Variants in SNX13 observed in about 807,000 individuals in gnomAD.
The protein encoded by SNX13 is sorting nexin 13.
In SNX13, 45 loss-of-function variants were observed where a neutral mutation model predicts 133.6. The ratio of observed to expected loss-of-function variants is 0.34; its 90% CI spans 0.27 to 0.43. SNX13 has a LOEUF of 0.43. SNX13 is among the 20% of genes least tolerant of loss of function. The probability of loss-of-function intolerance (pLI) is 1.00; values close to 1 mark genes in which losing one functional copy is unlikely to be tolerated. For synonymous variants in SNX13, 414 were observed against 373.9 expected (o/e 1.11, Z -1.24); for missense variants, 1,032 against 1,145.1 (o/e 0.90, Z 1.43).
intron 5 of SNX13, among the ~76,000 whole-genome samples, chr7:17,884,401 T>A (rs1489535155): frequency 6.6e-6 from 1 of 152,214 alleles, no homozygotes; most frequent in Non-Finnish European, 1.5e-5. Context: ...GATGACTTTT[T>A]AAAAAGTTAA....
intron 18 of SNX13, 136 bp downstream of exon 18, chr7:17,821,372 TA>T: frequency 1.3e-6 from 1 of 764,300 alleles, no homozygotes; most frequent in Non-Finnish European, 2.1e-6. Flanking sequence ...AGATTAATTC[TA>T]AGATTTATGG....
intron 2 of SNX13, among the ~76,000 whole-genome samples, chr7:17,896,323 G>C (rs1388646735): frequency 2.0e-5 from 3 of 152,104 alleles, no homozygotes; most frequent in African/African-American, 7.2e-5. Flanking sequence ...TTTATGGAGA[G>C]TCCTTGACAT....
intron 1 of SNX13, among the ~76,000 whole-genome samples, chr7:17,938,916 A>T (rs537932112): frequency 6.6e-6 from 1 of 152,338 alleles, no homozygotes; most frequent in East Asian, 1.9e-4. Context: ...CTAATCTATT[A>T]CTGCTAATCA....
intron 5 of SNX13, among the ~76,000 whole-genome samples, chr7:17,885,499 T>C (rs1345282417): frequency 2.6e-5 from 4 of 152,220 alleles, no homozygotes; most frequent in Non-Finnish European, 4.4e-5. Flanking sequence ...TATCAGTTAA[T>C]AATGAACTAT....
chr7:17,843,999 A>T (rs1223710579), intron 12 of SNX13, among the ~76,000 whole-genome samples: 2 of 151,986 alleles, frequency 1.3e-5, no homozygotes, highest in Non-Finnish European at 2.9e-5. Context: ...AAGCTTTTTA[A>T]CTTTACAACA....
At chr7:17,800,405 A>G (rs541316896) in intron 22 of SNX13, among the ~76,000 whole-genome samples, 1 of 151,914 alleles carries the variant, frequency 6.6e-6, no homozygotes, top group East Asian at 1.9e-4. Context: ...ATTTGTGATA[A>G]GGGAGAAACA....
At chr7:17,817,129 T>C (rs191113203) in intron 18 of SNX13, among the ~76,000 whole-genome samples, 174 of 152,360 alleles carry the variant, frequency 1.1e-3, no homozygotes, top group African/African-American at 4.0e-3. Context: ...ATATACTTTA[T>C]CTTTGTAAAA....
intron 1 of SNX13, among the ~76,000 whole-genome samples, chr7:17,933,345 C>T (rs1033359383): frequency 6.6e-6 from 1 of 152,086 alleles, no homozygotes; most frequent in Non-Finnish European, 1.5e-5. Context: ...AGATGGAGAC[C>T]ATCGTGGCTA....
intron 1 of SNX13, among the ~76,000 whole-genome samples, chr7:17,914,485 C>A (rs936317723): frequency 2.0e-5 from 3 of 152,088 alleles, no homozygotes; most frequent in Admixed American, 6.5e-5. Flanking sequence ...GAGAAAAGAG[C>A]CATATTACCT....
intron 18 of SNX13, among the ~76,000 whole-genome samples, chr7:17,816,642 A>G (rs1304978306): frequency 1.3e-5 from 2 of 152,156 alleles, no homozygotes; most frequent in Non-Finnish European, 2.9e-5. Context: ...CAGCCTGGGC[A>G]ACAAGAGCAA....
Position 17,793,889 on chromosome 7 carries a change from A to T in SNX13, c.*156T>A, listed in dbSNP as rs1783779476. On this transcript the variant is annotated 3_prime_UTR_variant, in exon 26 of 26. Transcript: ENST00000428135. ...TTGGTAGTGGTGGATTATAGATGAG[A>T]ATGAGAAGAACCACAGACTTATGGA... 2 of 735,066 alleles carry T rather than the reference A, an allele frequency of 2.7e-6. No homozygotes were observed. Among genetic ancestry groups the T allele is most frequent in the African/African-American group, 3.6e-5 (2 of 55,834 alleles). 45.5% of individuals were successfully genotyped at this position (735,066 alleles called of 1,614,324 possible).
At chr7:17,919,001 A>G (rs1381641675) in intron 1 of SNX13, among the ~76,000 whole-genome samples, 1 of 152,200 alleles carries the variant, frequency 6.6e-6, no homozygotes, top group African/African-American at 2.4e-5. Flanking sequence ...ACAGAAAACT[A>G]ACTACCATGT....
intron 3 of SNX13, among the ~76,000 whole-genome samples, chr7:17,891,852 A>G (rs1055954887): frequency 6.6e-6 from 1 of 152,110 alleles, no homozygotes; most frequent in Non-Finnish European, 1.5e-5. Flanking sequence ...TTAATCAGCA[A>G]AAATTATTTA....
In SNX13 at chr7:17,850,448, A is replaced by G; in HGVS notation, c.977-13T>C. On this transcript the variant is annotated splice_polypyrimidine_tract_variant and intron_variant, in intron 10 of 25. Coordinates refer to ENST00000428135, the MANE Select transcript of SNX13 (RefSeq NM_015132.5). ...ATAGTGTTGATATCTAAAAGCAAAG[A>G]AATCATGAACTAGAAAGTGGTAGTG... 6.8e-7 allele frequency: 1 copy of G among 1,473,754 alleles called. No homozygotes were observed. 91.3% of individuals were successfully genotyped at this position (1,473,754 alleles called of 1,614,324 possible). A position where few individuals can be genotyped will look rare whatever the true frequency, so the allele number is the denominator to read the frequency against.
intron 12 of SNX13, among the ~76,000 whole-genome samples, chr7:17,842,513 G>A (rs930844080): frequency 1.3e-5 from 2 of 151,872 alleles, no homozygotes; most frequent in African/African-American, 4.8e-5. Flanking sequence ...GAAATCATAT[G>A]AAGAAATAAA....
intron 20 of SNX13, among the ~76,000 whole-genome samples, chr7:17,810,765 TG>T (rs1247917175): frequency 6.6e-6 from 1 of 152,118 alleles, no homozygotes; most frequent in Non-Finnish European, 1.5e-5. Context: ...TAAAATAATG[TG>T]AAACTGAATC....
At position 17,868,500 on chromosome 7, in the gene SNX13, A is replaced by G; in HGVS notation, c.754-10T>C. On this transcript the variant is annotated splice_polypyrimidine_tract_variant and intron_variant, in intron 8 of 25. Transcript: ENST00000428135. ...CTCGTGCAAGGATTTCCTGAAAAAAAAGTAAATAACAAAAACAAATTTAAT... is the reference window on the plus strand; with the variant it reads ...CTCGTGCAAGGATTTCCTGAAAAAAGAGTAAATAACAAAAACAAATTTAAT... 1.9e-6 allele frequency: 3 copies of G among 1,589,648 alleles called. No homozygotes were observed. Among genetic ancestry groups the G allele is most frequent in the Non-Finnish European group, 2.6e-6 (3 of 1,166,614 alleles).
chr7:17,928,388 A>G (rs142027833), intron 1 of SNX13, among the ~76,000 whole-genome samples: 27 of 152,296 alleles, frequency 1.8e-4, no homozygotes, highest in African/African-American at 6.3e-4. Context: ...CACTTTAACT[A>G]TATCTAGTTC....
intron 9 of SNX13, among the ~76,000 whole-genome samples, chr7:17,860,744 C>G (rs1410189789): frequency 1.3e-5 from 2 of 152,148 alleles, no homozygotes; most frequent in African/African-American, 2.4e-5. Context: ...AGCCTTGATA[C>G]AAATCTATGC....
Sources: gnomAD v4.1 joint callset for allele counts (sites outside exome capture counted in the v4.1 genomes callset) on GRCh38, gnomAD v4.1.1 for gene constraint, MANE v1.5 for transcripts, NCBI Gene and HGNC (gene_info 2026-07-23, HGNC 2026-07-21) for gene names.